Variants in BMP1 observed in about 807,000 individuals in gnomAD.
BMP1 encodes mammalian tolloid protein.
Under a neutral mutation model 116.8 loss-of-function variants are expected in BMP1, and 63 were observed. The ratio of observed to expected loss-of-function variants is 0.54; its 90% CI spans 0.44 to 0.67. The LOEUF is 0.67. Among genes scored for constraint, BMP1 ranks in the 30% least tolerant of loss-of-function variants. The pLI is 0.00. For synonymous variants in BMP1, 536 were observed against 533.4 expected (o/e 1.00, Z -0.07); for missense variants, 1,183 against 1,358.9 (o/e 0.87, Z 2.04).
intron 16 of BMP1, 60 bp from the exon 17 acceptor site, chr8:22,206,794 C>A: frequency 1.9e-6 from 3 of 1,608,374 alleles, no homozygotes; most frequent in South Asian, 1.1e-5. Flanking sequence ...GCCTTCCCCA[C>A]AGGAGGCATC....
At chr8:22,207,821 A>G (rs1156480359) in intron 18 of BMP1, among the ~76,000 whole-genome samples, 4 of 152,238 alleles carry the variant, frequency 2.6e-5, no homozygotes, top group Admixed American at 6.5e-5. Context: ...CAGCCCAGCC[A>G]CACACCAACC....
At chr8:22,200,523 C>T (rs1317073944) in intron 15 of BMP1, among the ~76,000 whole-genome samples, 1 of 152,114 alleles carries the variant, frequency 6.6e-6, no homozygotes, top group Non-Finnish European at 1.5e-5. Flanking sequence ...ATGTGGTTGG[C>T]TGTGTCTGTA....
chr8:22,196,050 G>A (rs74930781), intron 13 of BMP1: 5,908 of 376,220 alleles, frequency 0.016, 346 homozygotes, highest in African/African-American at 0.12. Flanking sequence ...TTGCAACCCC[G>A]AGAACACACT....
rs568280335 is a variant in BMP1 at position 22,205,948 on chromosome 8, G to A, written c.2234-906G>A. Among the ~76,000 whole-genome samples the A allele has an allele frequency of 2.4e-3, 365 of 152,110 alleles. 2 individuals carry two copies. Among genetic ancestry groups the A allele is most frequent in the African/African-American group, 8.3e-3 (343 of 41,504 alleles). On this transcript the variant is annotated intron_variant, in intron 16 of 19. Transcript: ENST00000306385. The stretch of plus-strand genomic sequence containing the variant: ...ACCGAGAGGCCGTCTTGGGTGGACC[G>A]TTATATGTCTGTTGACTTCACCTGG...
chr8:22,188,872 G>A (rs944352628), intron 8 of BMP1, among the ~76,000 whole-genome samples: 5 of 152,158 alleles, frequency 3.3e-5, no homozygotes, highest in East Asian at 3.9e-4. Flanking sequence ...GAAGGAAAGC[G>A]GGCGCTTGTC....
chr8:22,203,962 T>G (rs1829308416), intron 16 of BMP1, among the ~76,000 whole-genome samples: 1 of 152,232 alleles, frequency 6.6e-6, no homozygotes, highest in Non-Finnish European at 1.5e-5. Flanking sequence ...TGTTTACCTT[T>G]CCATCTGCTG....
chr8:22,201,417 G>T, intron 15 of BMP1: 1 of 1,428,302 alleles, frequency 7.0e-7, no homozygotes, highest in Non-Finnish European at 9.1e-7. Flanking sequence ...CATTTTGATG[G>T]TGTCTGTGAC....
chr8:22,184,567 G>A (rs1828712948), intron 8 of BMP1, among the ~76,000 whole-genome samples: 1 of 152,202 alleles, frequency 6.6e-6, no homozygotes, highest in Non-Finnish European at 1.5e-5. Flanking sequence ...CCCTGGGGAC[G>A]TGAACATTGA....
At chr8:22,172,449 C>G (rs1447499584) in intron 1 of BMP1, among the ~76,000 whole-genome samples, 2 of 151,924 alleles carry the variant, frequency 1.3e-5, no homozygotes, top group African/African-American at 4.8e-5. Flanking sequence ...GGCTCTCTTC[C>G]CCTCTGGCCT....
At chr8:22,207,014 G>A (rs2131902105) in intron 17 of BMP1, 33 bp downstream of exon 17, 1 of 1,611,970 alleles carries the variant, frequency 6.2e-7, no homozygotes, top group Non-Finnish European at 8.5e-7. Context: ...CTTATGCGGT[G>A]TGGCTGCCCC....
chr8:22,189,462 A>ACACG (rs1563258657), intron 8 of BMP1, among the ~76,000 whole-genome samples: 1 of 135,026 alleles, frequency 7.4e-6, no homozygotes, highest in Admixed American at 8.2e-5. Flanking sequence ...ACACACACAC[A>ACACG]TATCTTATAT....
At chr8:22,182,143 C>T (rs1045130695) in intron 8 of BMP1, among the ~76,000 whole-genome samples, 4 of 152,218 alleles carry the variant, frequency 2.6e-5, no homozygotes, top group Admixed American at 2.6e-4. Context: ...TGTCATAGTG[C>T]AGCGTTGAGC....
At position 22,211,753 on chromosome 8, in the gene BMP1, C is replaced by T. The variant is rs746907534; in HGVS notation, c.*25C>T. ...ACCACTGCCTGAGCAGGGGCGGGGA[C>T]TGGAGCCTGCTGCCCTTGGTCGCCT... On this transcript the variant is annotated 3_prime_UTR_variant, in exon 20 of 20. Transcript: ENST00000306385. 1 of 1,613,872 alleles carries T rather than the reference C, an allele frequency of 6.2e-7. No individual in the cohort carries two copies. Among genetic ancestry groups the T allele is most frequent in the Non-Finnish European group, 8.5e-7 (1 of 1,179,972 alleles).
At chr8:22,184,971 T>C (rs1177148559) in intron 8 of BMP1, among the ~76,000 whole-genome samples, 2 of 152,228 alleles carry the variant, frequency 1.3e-5, no homozygotes, top group Non-Finnish European at 2.9e-5. Context: ...ATGTGAATGA[T>C]AGGTAAATCT....
chr8:22,183,560 A>G (rs1402755424), intron 8 of BMP1, among the ~76,000 whole-genome samples: 1 of 151,736 alleles, frequency 6.6e-6, no homozygotes, highest in Non-Finnish European at 1.5e-5. Flanking sequence ...ACTAACAATG[A>G]TTGAATATTT....
chr8:22,169,963 A>C (rs1315616351), intron 1 of BMP1: 1 of 152,236 alleles, frequency 6.6e-6, no homozygotes, highest in Admixed American at 6.5e-5. Context: ...TCCTCTGAGT[A>C]AGGAGAGACC....
chr8:22,165,803 C>T (rs1416963146), intron 1 of BMP1, among the ~76,000 whole-genome samples: 1 of 151,968 alleles, frequency 6.6e-6, no homozygotes, highest in Non-Finnish European at 1.5e-5. Flanking sequence ...GAGGAAGTCT[C>T]CTTGCGTCCC....
chr8:22,180,694 G>C (rs1230587553), intron 8 of BMP1, among the ~76,000 whole-genome samples: 1 of 152,228 alleles, frequency 6.6e-6, no homozygotes, highest in Non-Finnish European at 1.5e-5. Flanking sequence ...TTATAAATTA[G>C]TGTTAATTTG....
Position 22,199,670 on chromosome 8 carries a change from G to A in BMP1, c.2108-2133G>A, listed in dbSNP as rs116023060. 4.0e-3 allele frequency among the ~76,000 whole-genome samples: 604 copies of A among 152,298 alleles called. 4 individuals are homozygous for A. Among genetic ancestry groups the A allele is most frequent in the African/African-American group, 0.012 (491 of 41,564 alleles). ...GTGGAGCGAAGGCTTTGCTCAGTCC[G>A]TAAGCTGGGCCCCCCAAAGCTTCTA... On this transcript the variant is annotated intron_variant, in intron 15 of 19. Transcript: ENST00000306385.
Sources: allele counts gnomAD v4.1 joint callset (sites outside exome capture counted in the v4.1 genomes callset), GRCh38; gene constraint gnomAD v4.1.1; transcripts MANE v1.5; gene names NCBI Gene and HGNC (gene_info 2026-07-23, HGNC 2026-07-21).